The following TOP1MT variants were observed in gnomAD, a reference collection of about 807,000 sequenced individuals.
The protein encoded by TOP1MT is DNA topoisomerase I mitochondrial.
A neutral mutation model predicts 73.9 loss-of-function variants in TOP1MT; 80 were observed. That is an observed-to-expected ratio of 1.08 (90% confidence interval 0.90 to 1.30). The LOEUF is 1.30. TOP1MT is among the 50% of genes most tolerant of loss of function. The pLI is 0.00. For missense variants in TOP1MT, 815 were observed against 808.0 expected (o/e 1.01, Z -0.10); for synonymous variants, 338 against 326.4 (o/e 1.04, Z -0.38).
upstream of TOP1MT, among the ~76,000 whole-genome samples, chr8:143,335,435 G>A (rs1009049960): frequency 6.6e-6 from 1 of 152,210 alleles, no homozygotes; most frequent in Non-Finnish European, 1.5e-5. Flanking sequence ...GAAGTCCTGC[G>A]AAATCATCCC....
In TOP1MT at chr8:143,309,463, G is replaced by T. The variant is rs753142253; in HGVS notation, c.1784C>A (p.Ala595Glu). The T allele has an allele frequency of 1.2e-5, 19 of 1,613,670 alleles. No individual in the cohort carries two copies. Among genetic ancestry groups the T allele is most frequent in the Non-Finnish European group, 1.6e-5 (19 of 1,180,028 alleles). The change falls in exon 14 of 14, where the codon GCA becomes GAA. Residue 595 changes from alanine (A) to glutamate (E), a missense_variant. Physicochemically the swap from Ala to Glu is moderately radical, Grantham distance 107 (BLOSUM62 -1). Transcript: ENST00000329245. ...TCGTTAGAATTCAAAGTCTTCTCCT[G>T]CCATGGCGAGAGCCCAGGCGAACCT... ...RERFAWALAM[A>E]GEDFEF
chr8:143,330,657 T>C (rs1421023267), intron 2 of TOP1MT, among the ~76,000 whole-genome samples: 1 of 151,950 alleles, frequency 6.6e-6, no homozygotes, highest in Non-Finnish European at 1.5e-5. Flanking sequence ...ATGAAGAAAA[T>C]AGGCTGAAGC....
intron 11 of TOP1MT, 42 bp downstream of exon 11, chr8:143,315,957 T>C (rs749989987): frequency 3.7e-6 from 6 of 1,613,286 alleles, no homozygotes; most frequent in East Asian, 2.2e-5. Context: ...GGGGGAGGGG[T>C]CCCTTGAGGG....
chr8:143,321,620 C>CGCACGCCACACACAG (rs1157888705), intron 7 of TOP1MT, among the ~76,000 whole-genome samples: 2 of 54,074 alleles, frequency 3.7e-5, no homozygotes, highest in Non-Finnish European at 8.0e-5. Context: ...GCACGCCACA[C>CGCACGCCACACACAG]GCACGCCACA....
chr8:143,321,483 G>GCAGC, intron 7 of TOP1MT, 97 bp from the exon 8 acceptor site: 1 of 291,218 alleles, frequency 3.4e-6, no homozygotes, highest in Non-Finnish European at 4.5e-6. Flanking sequence ...CACGCCACAC[G>GCAGC]CACGCCACAC....
chr8:143,323,311 A>G (rs1456085793), intron 7 of TOP1MT, among the ~76,000 whole-genome samples: 19 of 56,082 alleles, frequency 3.4e-4, no homozygotes, highest in Non-Finnish European at 2.4e-4. Flanking sequence ...ACACATGCTC[A>G]CCACACGCAC....
At chr8:143,322,852 CAA>C (rs145714414) in intron 7 of TOP1MT, among the ~76,000 whole-genome samples, 47 of 36,654 alleles carry the variant, frequency 1.3e-3, no homozygotes, top group Non-Finnish European at 2.0e-3. Context: ...CACACGCACG[CAA>C]CACACACGCA....
Position 143,321,248 on chromosome 8 carries a change from C to A in TOP1MT, c.1099G>T (p.Gly367Trp). Residue 367 changes from glycine (G) to tryptophan (W), a missense_variant, in exon 8 of 14, where the codon GGG (glycine) becomes TGG (tryptophan). By Grantham distance (184) the Gly-to-Trp change is radical (BLOSUM62 -2). Around this residue, in one of 3 missense-constraint regions of TOP1MT, gnomAD observed 751 missense variants for 725.4 expected, o/e 1.04. Coordinates refer to ENST00000329245, the MANE Select transcript of TOP1MT (RefSeq NM_052963.3). Reference sequence around the variant, plus strand: ...TTGTAGTAGCGGATGCAGTCCTTCCCCAGGAAGTCAAATTCCACCACGTGT... The same window carrying A: ...TTGTAGTAGCGGATGCAGTCCTTCCACAGGAAGTCAAATTCCACCACGTGT... ...CQHVVEFDFLGKDCIRYYNRV... is the reference protein window; with the variant it reads ...CQHVVEFDFLWKDCIRYYNRV... The A allele has an allele frequency of 6.2e-7, 1 of 1,612,250 alleles. No homozygotes were observed. Among genetic ancestry groups the A allele is most frequent in the South Asian group, 1.1e-5 (1 of 90,988 alleles).
intron 7 of TOP1MT, 89 bp from the exon 8 acceptor site, chr8:143,321,475 C>A (rs111601437): frequency 1.9e-6 from 2 of 1,062,466 alleles, no homozygotes; most frequent in Non-Finnish European, 1.3e-6. Flanking sequence ...CACACACGCA[C>A]GCCACACGCA....
At chr8:143,355,048 G>A (rs1463830949) in intron 1 of TOP1MT, among the ~76,000 whole-genome samples, 1 of 152,232 alleles carries the variant, frequency 6.6e-6, no homozygotes, top group Non-Finnish European at 1.5e-5. Flanking sequence ...AGCCTGGGAG[G>A]TGTGGCCCGT....
chr8:143,348,733 T>C (rs186788806), upstream of TOP1MT, among the ~76,000 whole-genome samples: 4 of 152,054 alleles, frequency 2.6e-5, no homozygotes, highest in Admixed American at 6.5e-5. The surrounding 1 kb of genome is among the most constrained non-coding windows in gnomAD (Gnocchi z 4.6). Flanking sequence ...GCTGTGAGGA[T>C]GAAGGGCCAA....
At chr8:143,323,273 A>T (rs1432398680) in intron 7 of TOP1MT, among the ~76,000 whole-genome samples, 1 of 90,242 alleles carries the variant, frequency 1.1e-5, no homozygotes, top group Non-Finnish European at 2.3e-5. Context: ...CATGCACGCC[A>T]CACACGCACG....
chr8:143,331,188 C>A (rs531998503), intron 2 of TOP1MT, 36 bp downstream of exon 2: 3 of 1,534,774 alleles, frequency 2.0e-6, no homozygotes, highest in Non-Finnish European at 2.7e-6. Context: ...GGGAACCAAG[C>A]GCAGGCTGGG....
rs766368835 is a variant in TOP1MT, at chr8:143,323,589, CCA to C, written c.960+408_960+409del. ...CATGCACGCCACACACACAGGCACG[CCA>C]CACACACACGCACGCCACACACACA... On this transcript the variant is annotated intron_variant, in intron 7 of 13. Transcript: ENST00000329245. Among the ~76,000 whole-genome samples the C allele has an allele frequency of 7.7e-4, 38 of 49,248 alleles. 5 individuals carry two copies. Among genetic ancestry groups the C allele is most frequent in the East Asian group, 4.1e-3 (2 of 482 alleles). 32.3% of individuals were successfully genotyped at this position (49,248 alleles called of 152,430 possible). A position where few individuals can be genotyped will look rare whatever the true frequency, so the allele number is the denominator to read the frequency against.
Position 143,326,317 on chromosome 8 carries a change from T to G in TOP1MT, c.388A>C (p.Ile130Leu), listed in dbSNP as rs757263295. The change falls in exon 4 of 14, where the codon ATC (isoleucine) becomes CTC (leucine). Residue 130 changes from isoleucine (I) to leucine (L), a missense_variant. Around this residue, in one of 3 missense-constraint regions of TOP1MT, gnomAD observed 751 missense variants for 725.4 expected, o/e 1.04. Transcript: ENST00000329245. ...KEMAVEEREV[I>L]KSLDKCDFTE... is the part of the protein sequence containing the mutation. ...AAGTCACACTTGTCCAGGCTCTTGA[T>G]GACTTCCCTCTCTTCCACCGCCATT... is the stretch of plus-strand genomic sequence containing the variant. 1 of 1,614,044 alleles carries G rather than the reference T, an allele frequency of 6.2e-7. No homozygotes were observed. Among genetic ancestry groups the G allele is most frequent in the Non-Finnish European group, 8.5e-7 (1 of 1,180,028 alleles).
intron 7 of TOP1MT, among the ~76,000 whole-genome samples, chr8:143,322,674 C>CAG (rs200207573): frequency 6.1e-5 from 7 of 114,176 alleles, no homozygotes; most frequent in Admixed American, 8.5e-5. Flanking sequence ...ACGCCACACA[C>CAG]GCACGCCACA....
At chr8:143,351,916 T>C (rs1380800689) in intron 1 of TOP1MT, among the ~76,000 whole-genome samples, 1 of 152,176 alleles carries the variant, frequency 6.6e-6, no homozygotes, top group East Asian at 1.9e-4. Context: ...AAACCCCCTC[T>C]CTATTAAAAA....
Position 143,309,486 on chromosome 8 carries a change from C to A in TOP1MT, c.1761G>T (p.Arg587Ser). 3 of 1,614,046 alleles carry A rather than the reference C, an allele frequency of 1.9e-6. No homozygotes were observed. Among genetic ancestry groups the A allele is most frequent in the Non-Finnish European group, 2.5e-6 (3 of 1,180,032 alleles). ...EKIYSKTQRE[R>S]FAWALAMAGE... ...CTGCCATGGCGAGAGCCCAGGCGAA[C>A]CTCTCCCGCTGTGTTTTGCTGTAGA... is the stretch of plus-strand genomic sequence containing the variant. The change falls in exon 14 of 14, where the codon AGG (arginine) becomes AGT (serine). Residue 587 changes from arginine to serine, a missense_variant. Physicochemically the swap from Arg to Ser is moderately radical, Grantham distance 110. This residue lies in a region of TOP1MT where 751 missense variants were observed against 725.4 expected (regional missense o/e 1.04). Transcript: ENST00000329245.
rs140346602 is a variant in TOP1MT, at chr8:143,317,799, G to A, written c.1254C>T (p.Asp418=). ...TCCGGAACACCTTGGCCGTCAGCCCGTCCATCAGCTCCTGGAGGTGCTTGT... is the reference window on the plus strand; with the variant it reads ...TCCGGAACACCTTGGCCGTCAGCCCATCCATCAGCTCCTGGAGGTGCTTGT... ...SLNKHLQELM[D]GLTAKVFRTY... is the part of the protein sequence containing the mutation. The change falls in exon 10 of 14, where the codon GAC becomes GAT. Residue 418 remains aspartate (D), a synonymous_variant. Coordinates refer to ENST00000329245, the MANE Select transcript of TOP1MT (RefSeq NM_052963.3). The A allele has an allele frequency of 2.3e-5, 37 of 1,614,188 alleles. No individual in the cohort carries two copies. The highest frequency in any genetic ancestry group is 1.6e-4 in the Middle Eastern group (1 of 6,062).
Sources: allele counts gnomAD v4.1 joint callset (sites outside exome capture counted in the v4.1 genomes callset), GRCh38; gene constraint gnomAD v4.1.1; regional missense constraint gnomAD v4.1.1; non-coding constraint Gnocchi (gnomAD v3.1); transcripts MANE v1.5; gene names NCBI Gene and HGNC (gene_info 2026-07-23, HGNC 2026-07-21).